NELL1: variants seen among roughly 807,000 people sequenced by gnomAD.
NELL1 encodes protein kinase C-binding protein NELL1.
In NELL1, 76 loss-of-function variants were observed where a neutral mutation model predicts 107.4. The ratio of observed to expected loss-of-function variants is 0.71; its 90% CI spans 0.59 to 0.86. The LOEUF (loss-of-function observed/expected upper bound fraction) is 0.86, where lower values mean the gene tolerates loss of function less well. Ranked by LOEUF, NELL1 falls within the 40% of genes least tolerant of loss-of-function variation. The probability of loss-of-function intolerance (pLI) is 0.00; values close to 1 mark genes in which losing one functional copy is unlikely to be tolerated. For synonymous variants in NELL1, 353 were observed against 341.2 expected (o/e 1.03, Z -0.38); for missense variants, 1,024 against 1,005.5 (o/e 1.02, Z -0.25).
chr11:21,355,391 G>T (rs1420143675), intron 14 of NELL1, among the ~76,000 whole-genome samples: 1 of 152,212 alleles, frequency 6.6e-6, no homozygotes, highest in Non-Finnish European at 1.5e-5. Flanking sequence ...TGGGCACTAT[G>T]CCAAGTGCTT....
intron 3 of NELL1, among the ~76,000 whole-genome samples, chr11:20,838,542 C>A (rs1848571178): frequency 1.3e-5 from 2 of 151,868 alleles, no homozygotes; most frequent in Admixed American, 1.3e-4. Flanking sequence ...AAACTTTGTA[C>A]AAATACATGG....
At chr11:21,031,701 T>C (rs1168942246) in intron 12 of NELL1, among the ~76,000 whole-genome samples, 5 of 152,188 alleles carry the variant, frequency 3.3e-5, no homozygotes, top group Non-Finnish European at 7.3e-5. Context: ...GGCATATTAC[T>C]TTTTGTTTTA....
chr11:21,134,447 C>T (rs1855696030), intron 13 of NELL1, among the ~76,000 whole-genome samples: 1 of 152,112 alleles, frequency 6.6e-6, no homozygotes, highest in Non-Finnish European at 1.5e-5. Flanking sequence ...TGGCCTTTAG[C>T]CTTCACTGGG....
intron 16 of NELL1, among the ~76,000 whole-genome samples, chr11:21,557,402 A>T (rs1257029537): frequency 6.6e-6 from 1 of 152,030 alleles, no homozygotes; most frequent in Non-Finnish European, 1.5e-5. Flanking sequence ...CAACTTTGTA[A>T]ATGCAAAATA....
chr11:21,118,701 T>G (rs1450646499), intron 13 of NELL1, among the ~76,000 whole-genome samples: 3 of 152,104 alleles, frequency 2.0e-5, no homozygotes, highest in African/African-American at 7.2e-5. Context: ...ATTCCTTATT[T>G]CCAAAGACCA....
chr11:20,885,546 C>T lies in NELL1; in HGVS notation c.603+6C>T, dbSNP rs1162980616. ...AAAAGCATGGCTTATTCAAAGTAAG[C>T]ACTAACGTTCTTTTTATTGAAGTAT... is the stretch of plus-strand genomic sequence containing the variant. On this transcript the variant is annotated splice_donor_region_variant and intron_variant, in intron 5 of 19. Coordinates refer to ENST00000357134, the MANE Select transcript of NELL1 (RefSeq NM_006157.5). The T allele has an allele frequency of 1.3e-6, 2 of 1,545,558 alleles. No individual in the cohort carries two copies. Among genetic ancestry groups the T allele is most frequent in the African/African-American group, 1.4e-5 (1 of 73,476 alleles).
chr11:21,378,083 G>A (rs535979107), intron 15 of NELL1, among the ~76,000 whole-genome samples: 12 of 151,836 alleles, frequency 7.9e-5, no homozygotes, highest in Middle Eastern at 3.4e-3. Flanking sequence ...AACCTTTGTC[G>A]TTTCTTTGTG....
At position 20,887,100 on chromosome 11, in the gene NELL1, A is replaced by ATG. The variant is rs537147674; in HGVS notation, c.603+1572_603+1573dup. On this transcript the variant is annotated intron_variant, in intron 5 of 19. Transcript: ENST00000357134. ...GAATGTTATATAAATGGAATCATTT[A>ATG]TGTGTGTGTGTGTATTTACATAAGT... Among the ~76,000 whole-genome samples the ATG allele has an allele frequency of 8.7e-4, 132 of 152,090 alleles. No homozygotes were observed. The Middle Eastern group carries it at 0.01, about 12-fold the overall frequency.
At chr11:20,872,140 C>T (rs1849212868) in intron 4 of NELL1, among the ~76,000 whole-genome samples, 1 of 148,790 alleles carries the variant, frequency 6.7e-6, no homozygotes, top group Admixed American at 6.7e-5. Flanking sequence ...TGCTCAAGGG[C>T]AGATAATACC....
At chr11:20,702,834 C>G (rs1449746839) in intron 2 of NELL1, among the ~76,000 whole-genome samples, 2 of 152,158 alleles carry the variant, frequency 1.3e-5, no homozygotes, top group Admixed American at 1.3e-4. Flanking sequence ...TATGTTGAAG[C>G]AGCCATGCAT....
chr11:20,802,116 G>A (rs992049025), intron 3 of NELL1, among the ~76,000 whole-genome samples: 3 of 152,024 alleles, frequency 2.0e-5, no homozygotes, highest in African/African-American at 7.2e-5. Flanking sequence ...TTTCTGTGAA[G>A]AGGGTCATTG....
intron 3 of NELL1, among the ~76,000 whole-genome samples, chr11:20,801,849 C>T (rs1411418892): frequency 6.6e-6 from 1 of 152,128 alleles, no homozygotes. Flanking sequence ...CTTTCTTTCC[C>T]AAATGCATGT....
intron 12 of NELL1, among the ~76,000 whole-genome samples, chr11:21,096,192 G>A (rs539277197): frequency 2.0e-5 from 3 of 152,158 alleles, no homozygotes; most frequent in South Asian, 2.1e-4. Context: ...GCCAATGTCC[G>A]GTTCTATTTT....
intron 1 of NELL1, chr11:20,674,570 G>C: frequency 6.6e-7 from 1 of 1,518,210 alleles, no homozygotes; most frequent in Non-Finnish European, 8.8e-7. Flanking sequence ...TCCCTTCAGG[G>C]AGGCAGGTAT....
At chr11:21,182,576 A>G (rs955092475) in intron 13 of NELL1, among the ~76,000 whole-genome samples, 4 of 152,058 alleles carry the variant, frequency 2.6e-5, no homozygotes, top group African/African-American at 9.7e-5. Flanking sequence ...AACTTATAAT[A>G]CGAAAAGAGC....
intron 13 of NELL1, among the ~76,000 whole-genome samples, chr11:21,140,894 C>A (rs1472664147): frequency 6.6e-6 from 1 of 152,078 alleles, no homozygotes; most frequent in Non-Finnish European, 1.5e-5. Context: ...AAACCCTGAT[C>A]ATCAGACTCT....
At chr11:21,552,334 T>C (rs1231163380) in intron 16 of NELL1, among the ~76,000 whole-genome samples, 2 of 151,226 alleles carry the variant, frequency 1.3e-5, no homozygotes, top group East Asian at 3.9e-4. Context: ...TTAATGAGGG[T>C]TGGTGAATGG....
At chr11:20,908,740 T>C (rs951825532) in intron 5 of NELL1, among the ~76,000 whole-genome samples, 5 of 152,092 alleles carry the variant, frequency 3.3e-5, no homozygotes, top group African/African-American at 9.7e-5. Context: ...AAAAATAAAA[T>C]CACGCAGCTG....
intron 5 of NELL1, among the ~76,000 whole-genome samples, chr11:20,893,459 AAAGTGTTCTAAGGCCTGATTTC>A (rs895180762): frequency 4.0e-5 from 6 of 151,856 alleles, no homozygotes; most frequent in Non-Finnish European, 8.8e-5. Context: ...GATCTGATTT[AAAGTGTTCTAAGGCCTGATTTC>A]AAGTGTTCTA....
Sources: allele counts gnomAD v4.1 joint callset (sites outside exome capture counted in the v4.1 genomes callset), GRCh38; gene constraint gnomAD v4.1.1; transcripts MANE v1.5; gene names NCBI Gene and HGNC (gene_info 2026-07-23, HGNC 2026-07-21).